STK3: variants seen among roughly 807,000 people sequenced by gnomAD.
The protein encoded by STK3 is serine/threonine-protein kinase 3.
STK3 carries 41 observed loss-of-function variants against 58.0 expected under a neutral mutation model. That is an observed-to-expected ratio of 0.71 (90% CI 0.55 to 0.92). The LOEUF is 0.92. STK3 is among the 40% of genes least tolerant of loss of function. The pLI, the probability that STK3 is intolerant of heterozygous loss-of-function variation, is 0.00. For synonymous variants in STK3, 170 were observed against 191.0 expected, an observed-to-expected ratio of 0.89 and a Z score of 0.91; for missense variants, 479 against 602.7, an observed-to-expected ratio of 0.79 and a Z score of 2.15.
chr8:98,726,752 C>T (rs1367620175), intron 4 of STK3, among the ~76,000 whole-genome samples: 2 of 152,234 alleles, frequency 1.3e-5, no homozygotes, highest in African/African-American at 2.4e-5. Flanking sequence ...CCACTGAGTA[C>T]TTTCCAGGAA....
chr8:98,908,127 T>A (rs902585844), intron 1 of STK3, among the ~76,000 whole-genome samples: 10 of 152,236 alleles, frequency 6.6e-5, no homozygotes, highest in African/African-American at 2.2e-4. Context: ...TTTTGTGTTA[T>A]TATAGCCATT....
At chr8:98,838,888 G>C (rs906128503) in intron 3 of STK3, among the ~76,000 whole-genome samples, 1 of 147,976 alleles carries the variant, frequency 6.8e-6, no homozygotes, top group East Asian at 2.0e-4. Flanking sequence ...CCCTACCATC[G>C]AGGCCGTTTA....
At chr8:98,636,925 C>T (rs1421059670) in intron 6 of STK3, among the ~76,000 whole-genome samples, 2 of 151,968 alleles carry the variant, frequency 1.3e-5, no homozygotes, top group African/African-American at 2.4e-5. Context: ...CAATATTGGT[C>T]ATGATAAAGG....
At chr8:98,527,954 C>G (rs778740213) in intron 9 of STK3, among the ~76,000 whole-genome samples, 3 of 152,168 alleles carry the variant, frequency 2.0e-5, no homozygotes, top group Non-Finnish European at 4.4e-5. Context: ...CATATTCTAT[C>G]TCCACTAAAG....
chr8:98,711,236 C>T (rs912557200), intron 4 of STK3, among the ~76,000 whole-genome samples: 1 of 152,192 alleles, frequency 6.6e-6, no homozygotes, highest in Non-Finnish European at 1.5e-5. Flanking sequence ...GCCTCTCCTC[C>T]TCCAAAGGAA....
chr8:98,651,072 G>A (rs913867554), intron 6 of STK3, among the ~76,000 whole-genome samples: 6 of 152,212 alleles, frequency 3.9e-5, no homozygotes, highest in African/African-American at 9.7e-5. Context: ...CCCTGGAGCC[G>A]CCTAACTGGG....
At chr8:98,700,132 A>C (rs553066241) in intron 6 of STK3, among the ~76,000 whole-genome samples, 2 of 152,306 alleles carry the variant, frequency 1.3e-5, no homozygotes, top group South Asian at 4.1e-4. Flanking sequence ...CTGTCCTAGC[A>C]ATCAGCGAGA....
At chr8:98,346,676 G>A in the STK3 span, among the ~76,000 whole-genome samples, 1 of 151,788 alleles carries the variant, frequency 6.6e-6, no homozygotes, top group Non-Finnish European at 1.5e-5. Context: ...TGAGACAGTT[G>A]TATCAATCTA....
At chr8:98,483,376 A>G (rs1484655447) in intron 10 of STK3, among the ~76,000 whole-genome samples, 1 of 152,212 alleles carries the variant, frequency 6.6e-6, no homozygotes, top group Non-Finnish European at 1.5e-5. Context: ...GTTAAAATGG[A>G]GAAAATTGAT....
chr8:98,511,425 T>C, intron 10 of STK3, among the ~76,000 whole-genome samples: 1 of 152,162 alleles, frequency 6.6e-6, no homozygotes, highest in Admixed American at 6.6e-5. Context: ...AAAAAGACTA[T>C]ATTTTAAATA....
chr8:98,628,200 T>C (rs965063607), intron 6 of STK3, among the ~76,000 whole-genome samples: 19 of 152,328 alleles, frequency 1.2e-4, no homozygotes, highest in African/African-American at 4.3e-4. Context: ...AACTTGCCCC[T>C]GATTTTTCCA....
chr8:98,889,383 C>T (rs931975982), intron 1 of STK3, among the ~76,000 whole-genome samples: 7 of 152,172 alleles, frequency 4.6e-5, no homozygotes, highest in African/African-American at 1.7e-4. Flanking sequence ...TCCCAGAAAC[C>T]TCCCTCCCCT....
At position 98,549,897 on chromosome 8, in the gene STK3, C is replaced by T. The variant is rs563396310; in HGVS notation, c.949-1736G>A. Among the ~76,000 whole-genome samples the T allele has an allele frequency of 2.0e-5, 3 of 152,152 alleles. No individual in the cohort carries two copies. In the East Asian group the frequency reaches 5.8e-4, roughly 29 times the overall value. On this transcript the variant is annotated intron_variant, in intron 8 of 10. Coordinates refer to ENST00000419617, the MANE Select transcript of STK3 (RefSeq NM_006281.4). Reference sequence around the variant, plus strand: ...GGTGGTGTGCCTGTAGTCCTAGCTACTTGATGGGCTGAGGCTGGAAGACTG... The same window carrying T: ...GGTGGTGTGCCTGTAGTCCTAGCTATTTGATGGGCTGAGGCTGGAAGACTG...
intron 3 of STK3, among the ~76,000 whole-genome samples, chr8:98,853,338 G>A (rs1471295782): frequency 6.6e-6 from 1 of 152,182 alleles, no homozygotes; most frequent in African/African-American, 2.4e-5. Flanking sequence ...CTTCAACACA[G>A]TTCAGAAAAG....
chr8:98,904,528 G>A (rs1036742381), intron 1 of STK3: 7 of 449,886 alleles, frequency 1.6e-5, no homozygotes, highest in Non-Finnish European at 2.6e-5. Context: ...AAAGGGGACC[G>A]CACGGAGCAA....
intron 3 of STK3, among the ~76,000 whole-genome samples, chr8:98,860,756 A>G (rs1456862445): frequency 6.6e-6 from 1 of 152,170 alleles, no homozygotes; most frequent in African/African-American, 2.4e-5. Flanking sequence ...CGACAAACAC[A>G]CAAAAATCTG....
chr8:98,932,455 T>TTTATCTACTAA (rs1840035135), intron 1 of STK3, among the ~76,000 whole-genome samples: 2 of 152,144 alleles, frequency 1.3e-5, no homozygotes, highest in African/African-American at 2.4e-5. Flanking sequence ...AGGGAAACAG[T>TTTATCTACTAA]ACTCCCCAGG....
At chr8:98,368,387 A>T (rs11781515), downstream of STK3, among the ~76,000 whole-genome samples, 1 of 151,888 alleles carries the variant, frequency 6.6e-6, no homozygotes, top group African/African-American at 2.4e-5. Flanking sequence ...ACATGTCTAC[A>T]TGGTTAAGAA....
At chr8:98,909,026 C>T (rs1366962355) in intron 1 of STK3, among the ~76,000 whole-genome samples, 2 of 151,810 alleles carry the variant, frequency 1.3e-5, no homozygotes, top group African/African-American at 2.4e-5. Flanking sequence ...CATGGTGGTG[C>T]GTGCCTGTAA....
Sources: allele counts gnomAD v4.1 joint callset (sites outside exome capture counted in the v4.1 genomes callset), GRCh38; gene constraint gnomAD v4.1.1; transcripts MANE v1.5; gene names NCBI Gene and HGNC (gene_info 2026-07-23, HGNC 2026-07-21).